The following EFTUD2 variants were observed in gnomAD, a reference collection of about 807,000 sequenced individuals.
The protein encoded by EFTUD2 is 116 kDa U5 small nuclear ribonucleoprotein component.
A neutral mutation model predicts 114.3 loss-of-function variants in EFTUD2; 9 were observed. The ratio of observed to expected loss-of-function variants is 0.08; its 90% CI spans 0.05 to 0.14. The LOEUF (loss-of-function observed/expected upper bound fraction) is 0.14, where lower values mean the gene tolerates loss of function less well. Ranked by LOEUF, EFTUD2 falls within the 10% of genes least tolerant of loss-of-function variation. EFTUD2 has a pLI of 1.00. For synonymous variants in EFTUD2, 449 were observed against 462.3 expected (o/e 0.97, Z 0.37); for missense variants, 765 against 1,241.2 (o/e 0.62, Z 5.76).
intron 26 of EFTUD2, 136 bp downstream of exon 26, chr17:44,852,273 T>C (rs139507939): frequency 1.8e-5 from 19 of 1,080,452 alleles, no homozygotes; most frequent in Non-Finnish European, 2.1e-5. Context: ...TTGCCCTGAA[T>C]ATATGCTCCC....
At chr17:44,863,827 G>A in intron 14 of EFTUD2, 45 bp from the exon 15 acceptor site, 1 of 1,605,958 alleles carries the variant, frequency 6.2e-7, no homozygotes, top group East Asian at 2.2e-5. Context: ...CCTTCCCAGG[G>A]AGCACGAGCA....
chr17:44,880,083 G>C (rs149886882), intron 8 of EFTUD2, among the ~76,000 whole-genome samples: 20 of 152,254 alleles, frequency 1.3e-4, no homozygotes, highest in Admixed American at 1.0e-3. Context: ...TGCCAAGAAA[G>C]CAAATCAGCC....
At position 44,894,820 on chromosome 17, in the gene EFTUD2, C is replaced by T. The variant is rs1324233299; in HGVS notation, c.-4-295G>A. Among the ~76,000 whole-genome samples, 5 of 152,178 alleles carry T rather than the reference C, an allele frequency of 3.3e-5. No individual in the cohort carries two copies. In the East Asian group the frequency reaches 5.8e-4, roughly 18 times the overall value. ...AGAAGACAGAAGGAAGAAGCTCCGC[C>T]GTACAGAGATGGGGCGTGGGGGGCG... On this transcript the variant is annotated intron_variant, in intron 1 of 27. Transcript: ENST00000426333.
intron 20 of EFTUD2, among the ~76,000 whole-genome samples, chr17:44,855,377 A>G (rs1218791119): frequency 6.6e-6 from 1 of 152,226 alleles, no homozygotes; most frequent in Non-Finnish European, 1.5e-5. Flanking sequence ...CCTGGCCAAC[A>G]TGGTGAAACC....
At chr17:44,899,079 G>C (rs778474146) in intron 1 of EFTUD2, 4 of 152,140 alleles carry the variant, frequency 2.6e-5, no homozygotes, top group South Asian at 2.1e-4. Context: ...GTGAGCGAGG[G>C]GACTGGACAG....
At chr17:44,897,304 G>A (rs1308066144) in intron 1 of EFTUD2, among the ~76,000 whole-genome samples, 1 of 151,100 alleles carries the variant, frequency 6.6e-6, no homozygotes, top group East Asian at 1.9e-4. Context: ...TTGATCATGA[G>A]AACCCTGTGT....
chr17:44,899,182 C>T (rs1213009237), intron 1 of EFTUD2, 187 bp downstream of exon 1: 1 of 152,220 alleles, frequency 6.6e-6, no homozygotes, highest in Non-Finnish European at 1.5e-5. Flanking sequence ...GTGCGCGCTT[C>T]GGAAGCCTTG....
intron 18 of EFTUD2, 143 bp downstream of exon 18, chr17:44,859,762 C>T (rs775170328): frequency 6.3e-5 from 85 of 1,341,022 alleles, no homozygotes; most frequent in Non-Finnish European, 8.2e-5. Context: ...CTTGACATGA[C>T]AGCCATAGGC....
At chr17:44,878,122 C>A (rs1872041166) in intron 9 of EFTUD2, among the ~76,000 whole-genome samples, 1 of 152,110 alleles carries the variant, frequency 6.6e-6, no homozygotes, top group Non-Finnish European at 1.5e-5. Flanking sequence ...GGCAACAGAG[C>A]AAGACTCCAT....
At position 44,850,841 on chromosome 17, in the gene EFTUD2, T is replaced by A; in HGVS notation, c.*433A>T. ...AGAGGCAGTGAAGCCTCTTGGGAGA[T>A]GACATATATTCAGAATGTAAGCACC... On this transcript the variant is annotated 3_prime_UTR_variant, in exon 28 of 28. Coordinates refer to ENST00000426333, the MANE Select transcript of EFTUD2 (RefSeq NM_004247.4). 1 of 231,938 alleles carries A rather than the reference T, an allele frequency of 4.3e-6. No individual in the cohort carries two copies. The highest frequency in any genetic ancestry group is 8.6e-6 in the Non-Finnish European group (1 of 116,206). 14.4% of individuals were successfully genotyped at this position (231,938 alleles called of 1,614,324 possible). A position where few individuals can be genotyped will look rare whatever the true frequency, so the allele number is the denominator to read the frequency against.
chr17:44,852,249 G>C (rs2050468868), intron 26 of EFTUD2, among the ~76,000 whole-genome samples, 160 bp downstream of exon 26: 1 of 150,762 alleles, frequency 6.6e-6, no homozygotes, highest in Non-Finnish European at 1.5e-5. Context: ...TAAACTGAGA[G>C]ACACAGATTC....
rs555663565 is a variant in EFTUD2 at position 44,863,105 on chromosome 17, CCTCT to C, written c.1414-203_1414-200del. On this transcript the variant is annotated intron_variant, in intron 15 of 27. Transcript: ENST00000426333. Reference sequence around the variant, plus strand: ...AGACATGGCAGAGCAAAAATATTCTCCTCTTTTTTTTTTTTTGGGAGGATAAGGG... The same window carrying C: ...AGACATGGCAGAGCAAAAATATTCTCTTTTTTTTTTTTGGGAGGATAAGGG... 0.028 allele frequency: 7,180 copies of C among 256,476 alleles called. 21 individuals are homozygous for C. The highest frequency in any genetic ancestry group is 0.037 in the Middle Eastern group (39 of 1,050). The allele number at this position is 256,476 out of a possible 1,614,324, so 15.9% of individuals were successfully genotyped here.
At chr17:44,853,737 C>A in intron 23 of EFTUD2, 102 bp from the exon 24 acceptor site, 1 of 1,553,386 alleles carries the variant, frequency 6.4e-7, no homozygotes, top group Non-Finnish European at 8.7e-7. Context: ...GTCTTGCAGT[C>A]ATGAAAGACA....
chr17:44,889,871 T>C (rs2051246987), intron 2 of EFTUD2, among the ~76,000 whole-genome samples: 1 of 152,238 alleles, frequency 6.6e-6, no homozygotes, highest in African/African-American at 2.4e-5. Flanking sequence ...GAATATATTA[T>C]GAATCTAACT....
At chr17:44,897,807 A>G (rs2051419243) in intron 1 of EFTUD2, among the ~76,000 whole-genome samples, 1 of 152,094 alleles carries the variant, frequency 6.6e-6, no homozygotes, top group Non-Finnish European at 1.5e-5. Flanking sequence ...TCAGGTGATT[A>G]GCCCACCTCG....
chr17:44,880,256 C>T (rs914992310), intron 8 of EFTUD2, among the ~76,000 whole-genome samples: 2 of 152,182 alleles, frequency 1.3e-5, no homozygotes, highest in Non-Finnish European at 2.9e-5. Flanking sequence ...TCTGACTCAC[C>T]TTTAGCTCCC....
chr17:44,873,643 C>T (rs1567743466), intron 10 of EFTUD2, among the ~76,000 whole-genome samples: 1 of 152,040 alleles, frequency 6.6e-6, no homozygotes, highest in Admixed American at 6.6e-5. Flanking sequence ...AGCCACTGTG[C>T]CTGGCCTCTT....
rs116300236 is a variant in EFTUD2 at position 44,850,379 on chromosome 17, G to A, written c.*895C>T. ...CGATTACGTCAAGAGGATGGCACAG[G>A]ATGCTGGAGAGAAGTAGGACTCCTA... On this transcript the variant is annotated 3_prime_UTR_variant, in exon 28 of 28. Transcript: ENST00000426333. The A allele has an allele frequency of 6.4e-4, 1,033 of 1,613,124 alleles. 6 individuals carry two copies. In the African/African-American group the frequency reaches 0.013, roughly 20 times the overall value.
At position 44,880,612 on chromosome 17, in the gene EFTUD2, T is replaced by C. The variant is rs1268854479; in HGVS notation, c.561A>G (p.Thr187=). ...RGVGIKSTPV[T]VVLPDTKGKS... is the part of the protein sequence containing the mutation. ...TTCCTTTGGTGTCTGGCAAGACCAC[T>C]GTCACAGGAGTGCTTTTGATGCCTA... Residue 187 remains threonine, a synonymous_variant, in exon 8 of 28, where the codon ACA becomes ACG. Coordinates refer to ENST00000426333, the MANE Select transcript of EFTUD2 (RefSeq NM_004247.4). The C allele has an allele frequency of 1.9e-6, 3 of 1,613,684 alleles. No homozygotes were observed. The highest frequency in any genetic ancestry group is 1.3e-5 in the African/African-American group (1 of 74,932).
Sources: allele counts gnomAD v4.1 joint callset (sites outside exome capture counted in the v4.1 genomes callset), GRCh38; gene constraint gnomAD v4.1.1; transcripts MANE v1.5; gene names NCBI Gene and HGNC (gene_info 2026-07-23, HGNC 2026-07-21).